The following RASGRP3 variants were observed in gnomAD, a reference collection of about 807,000 sequenced individuals.
The protein encoded by RASGRP3 is ras guanyl-releasing protein 3.
In RASGRP3, 54 loss-of-function variants were observed where a neutral mutation model predicts 82.7. That is an observed-to-expected ratio of 0.65 (90% CI 0.52 to 0.82). The LOEUF is 0.82. RASGRP3 is among the 40% of genes least tolerant of loss of function. The probability of loss-of-function intolerance (pLI) is 0.00; values close to 1 mark genes in which losing one functional copy is unlikely to be tolerated. For missense variants in RASGRP3, 861 were observed against 828.9 expected, an observed-to-expected ratio of 1.04 and a Z score of -0.48; for synonymous variants, 309 against 300.5, an observed-to-expected ratio of 1.03 and a Z score of -0.29.
upstream of RASGRP3, among the ~76,000 whole-genome samples, chr2:33,474,677 C>G (rs1372645948): frequency 6.6e-6 from 1 of 152,206 alleles, no homozygotes; most frequent in Non-Finnish European, 1.5e-5. Flanking sequence ...GGCCATGTGA[C>G]TCATCTGCTC....
chr2:33,559,957 C>A (rs1468223603), intron 17 of RASGRP3, among the ~76,000 whole-genome samples: 1 of 152,224 alleles, frequency 6.6e-6, no homozygotes, highest in Non-Finnish European at 1.5e-5. Flanking sequence ...GAAGGCAGTG[C>A]ATAAGGAGGC....
intron 2 of RASGRP3, among the ~76,000 whole-genome samples, chr2:33,463,765 AT>A (rs551052794): frequency 6.0e-5 from 9 of 151,102 alleles, no homozygotes; most frequent in Non-Finnish European, 7.4e-5. Context: ...ACACCTGGCT[AT>A]TTTTTTTGTA....
At chr2:33,544,452 A>G (rs1425913288) in intron 13 of RASGRP3, among the ~76,000 whole-genome samples, 1 of 152,230 alleles carries the variant, frequency 6.6e-6, no homozygotes, top group Non-Finnish European at 1.5e-5. Flanking sequence ...TTTTAGCGTC[A>G]AATGATTCCT....
At chr2:33,448,768 A>G (rs1023911164) in intron 2 of RASGRP3, among the ~76,000 whole-genome samples, 1 of 152,200 alleles carries the variant, frequency 6.6e-6, no homozygotes, top group Non-Finnish European at 1.5e-5. Context: ...TGTGAATGTA[A>G]TTAATACCAC....
At chr2:33,511,668 G>A (rs920966841) in intron 1 of RASGRP3, 42 bp from the exon 2 acceptor site, 1 of 152,746 alleles carries the variant, frequency 6.5e-6, no homozygotes, top group African/African-American at 2.4e-5. Flanking sequence ...GGGTTATCAT[G>A]ATCTAATTCT....
At chr2:33,483,827 A>T (rs1668142204) in intron 1 of RASGRP3, among the ~76,000 whole-genome samples, 1 of 152,188 alleles carries the variant, frequency 6.6e-6, no homozygotes, top group Non-Finnish European at 1.5e-5. Context: ...TTTCAAAATC[A>T]CAGACAAATA....
In RASGRP3 at chr2:33,543,425, T is replaced by C. The variant is rs1674453385; in HGVS notation, c.1279-87T>C. 30 of 741,780 alleles carry C rather than the reference T, an allele frequency of 4.0e-5. 1 individual carries two copies. In the South Asian group the frequency reaches 5.3e-4, roughly 13 times the overall value. 45.9% of individuals were successfully genotyped at this position (741,780 alleles called of 1,614,324 possible). ...ATTCTAACCTCCTTGATAGAAAGGA[T>C]CATATGCTAGTTATCGTTGCTTTTG... On this transcript the variant is annotated intron_variant, in intron 12 of 17. Coordinates refer to ENST00000403687, the MANE Select transcript of RASGRP3 (RefSeq NM_001139488.2).
intron 2 of RASGRP3, among the ~76,000 whole-genome samples, chr2:33,456,770 G>A (rs567543658): frequency 3.3e-5 from 5 of 152,160 alleles, no homozygotes; most frequent in Admixed American, 2.6e-4. Context: ...AGGCATAACT[G>A]GTTGCATGTT....
intron 2 of RASGRP3, among the ~76,000 whole-genome samples, chr2:33,449,854 G>A (rs1457850944): frequency 1.3e-5 from 2 of 152,110 alleles, no homozygotes; most frequent in Admixed American, 6.5e-5. Flanking sequence ...ATGCATTTTA[G>A]TAAAGATAAG....
At chr2:33,478,358 G>A (rs1667565187) in intron 1 of RASGRP3, among the ~76,000 whole-genome samples, 1 of 152,188 alleles carries the variant, frequency 6.6e-6, no homozygotes, top group South Asian at 2.1e-4. Flanking sequence ...CATGTGGTCT[G>A]TGACTTCCCT....
chr2:33,440,732 T>C (rs1183395300), intron 1 of RASGRP3, among the ~76,000 whole-genome samples: 2 of 152,216 alleles, frequency 1.3e-5, no homozygotes, highest in Admixed American at 1.3e-4. Context: ...CTTGGTCATC[T>C]GGTGAAATAA....
At chr2:33,508,545 C>T (rs116676535) in intron 1 of RASGRP3, among the ~76,000 whole-genome samples, 4,436 of 152,216 alleles carry the variant, frequency 0.029, 161 homozygotes, top group Non-Finnish European at 0.034. Flanking sequence ...GGGTAAATTT[C>T]TCATTTTTAT....
intron 1 of RASGRP3, among the ~76,000 whole-genome samples, chr2:33,444,829 C>T (rs974223465): frequency 6.6e-6 from 1 of 152,120 alleles, no homozygotes; most frequent in African/African-American, 2.4e-5. Flanking sequence ...AATTTGAAAT[C>T]TGGATGATAT....
chr2:33,517,665 G>A (rs1671598013), intron 4 of RASGRP3, among the ~76,000 whole-genome samples: 1 of 152,180 alleles, frequency 6.6e-6, no homozygotes, highest in Admixed American at 6.5e-5. Flanking sequence ...AGTGGTCCAA[G>A]GGTCATATGA....
At chr2:33,482,398 A>G (rs1159800020) in intron 1 of RASGRP3, 2 of 152,182 alleles carry the variant, frequency 1.3e-5, no homozygotes, top group African/African-American at 4.8e-5. Context: ...AGTTATACCA[A>G]CTATGGCATG....
At chr2:33,512,278 G>T (rs1670996463) in intron 2 of RASGRP3, among the ~76,000 whole-genome samples, 1 of 152,148 alleles carries the variant, frequency 6.6e-6, no homozygotes, top group Non-Finnish European at 1.5e-5. Context: ...AACCCCTTAT[G>T]GGGATGTGAA....
rs1306574023 is a variant in RASGRP3 at position 33,564,351 on chromosome 2, T to C, written c.*1614T>C. The C allele has an allele frequency of 6.6e-6, 1 of 152,222 alleles. No homozygotes were observed. Among genetic ancestry groups the C allele is most frequent in the East Asian group, 1.9e-4 (1 of 5,204 alleles). The allele number at this position is 152,222 out of a possible 1,614,324, so 9.4% of individuals were successfully genotyped here. A position where few individuals can be genotyped will look rare whatever the true frequency, so the allele number is the denominator to read the frequency against. On this transcript the variant is annotated 3_prime_UTR_variant, in exon 18 of 18. Transcript: ENST00000403687. ...ATGTGAAGTTATCAGTTGGAGGAGC[T>C]GTGATTAAGCTGGATAATAAGAGAA...
chr2:33,470,134 C>A (rs1666968138), intron 2 of RASGRP3, among the ~76,000 whole-genome samples: 1 of 151,814 alleles, frequency 6.6e-6, no homozygotes, highest in Non-Finnish European at 1.5e-5. Context: ...GGATTTTTGA[C>A]CTGTTTGAAA....
intron 1 of RASGRP3, among the ~76,000 whole-genome samples, chr2:33,496,612 T>G (rs1220014581): frequency 2.0e-5 from 3 of 152,180 alleles, no homozygotes; most frequent in Admixed American, 6.5e-5. Flanking sequence ...TCCCAGCACT[T>G]TGGGAGGCTG....
Sources: allele counts gnomAD v4.1 joint callset (sites outside exome capture counted in the v4.1 genomes callset), GRCh38; gene constraint gnomAD v4.1.1; transcripts MANE v1.5; gene names NCBI Gene and HGNC (gene_info 2026-07-23, HGNC 2026-07-21).